The following ANKRD11 variants were observed in gnomAD, a reference collection of about 807,000 sequenced individuals.
ANKRD11 encodes the protein ankyrin repeat domain-containing protein 11.
In ANKRD11, 17 loss-of-function variants were observed where a neutral mutation model predicts 195.7. That is an observed-to-expected ratio of 0.09 (90% CI 0.06 to 0.13). The LOEUF (loss-of-function observed/expected upper bound fraction) is 0.13. Ranked by LOEUF, ANKRD11 falls within the 10% of genes least tolerant of loss-of-function variation. The probability of loss-of-function intolerance (pLI) is 1.00; values close to 1 mark genes in which losing one functional copy is unlikely to be tolerated. For missense variants in ANKRD11, 3,735 were observed against 3,566.1 expected, an observed-to-expected ratio of 1.05 and a Z score of -1.21; for synonymous variants, 1,953 against 1,528.1, an observed-to-expected ratio of 1.28 and a Z score of -6.49.
chr16:89,298,318 G>A (rs938364959), intron 4 of ANKRD11: 2 of 152,436 alleles, frequency 1.3e-5, no homozygotes, highest in Non-Finnish European at 1.5e-5. Flanking sequence ...CCAAACCTGC[G>A]CTGAGGCCTG....
chr16:89,461,449 CCTT>C (rs2056665674), intron 1 of ANKRD11, among the ~76,000 whole-genome samples: 1 of 152,150 alleles, frequency 6.6e-6, no homozygotes, highest in Non-Finnish European at 1.5e-5. Flanking sequence ...CTCAGGGAAT[CCTT>C]CCCCTCAGCC....
chr16:89,319,559 T>C (rs2037177804), intron 2 of ANKRD11, among the ~76,000 whole-genome samples: 1 of 152,210 alleles, frequency 6.6e-6, no homozygotes, highest in Admixed American at 6.5e-5. Context: ...CGTGTCCGCC[T>C]GGCCTTGGCT....
At chr16:89,475,424 A>G (rs1163102671) in intron 1 of ANKRD11, among the ~76,000 whole-genome samples, 1 of 152,226 alleles carries the variant, frequency 6.6e-6, no homozygotes, top group East Asian at 1.9e-4. Context: ...CTGTTTCTAT[A>G]GCAACCAGAA....
chr16:89,432,046 A>G (rs1033584175), intron 1 of ANKRD11, among the ~76,000 whole-genome samples: 4 of 152,118 alleles, frequency 2.6e-5, no homozygotes, highest in Non-Finnish European at 1.5e-5. Flanking sequence ...AGAGTGTCTC[A>G]GTATTTCTTT....
At chr16:89,463,101 C>A (rs928921633) in intron 1 of ANKRD11, among the ~76,000 whole-genome samples, 1 of 151,208 alleles carries the variant, frequency 6.6e-6, no homozygotes, top group Non-Finnish European at 1.5e-5. Flanking sequence ...AGGTGAGGGG[C>A]GCCTCTGCCC....
rs1299346667 is a variant in ANKRD11 at position 89,274,877 on chromosome 16, C to T, written c.7650G>A (p.Val2550=). ...GCAGCATCGTGCAGGCGCTGAATGGCACTGCCTGGTTGGCGATGGTCCTGG... is the reference window on the plus strand; with the variant it reads ...GCAGCATCGTGCAGGCGCTGAATGGTACTGCCTGGTTGGCGATGGTCCTGG... ...RAARTIANQA[V]PFSACTMLLD... is the part of the protein sequence containing the mutation. Residue 2550 remains valine, a synonymous_variant, in exon 11 of 13, where the codon GTG becomes GTA. Transcript: ENST00000301030. The T allele has an allele frequency of 4.3e-6, 7 of 1,613,346 alleles. No homozygotes were observed. The highest frequency in any genetic ancestry group is 1.3e-5 in the African/African-American group (1 of 74,928).
rs1406954998 is a variant in ANKRD11, at chr16:89,416,354, C to T, written c.-60+1930G>A. Among the ~76,000 whole-genome samples the T allele has an allele frequency of 2.6e-5, 4 of 152,022 alleles. No individual in the cohort carries two copies. In the East Asian group the frequency reaches 7.8e-4, roughly 29 times the overall value. ...TTGCTCTGTCGCCCAGGCTCAAGTG[C>T]GGTGTTGTGATCTTGGCTCACTGAA... On this transcript the variant is annotated intron_variant, in intron 2 of 12. Coordinates refer to ENST00000301030, the MANE Select transcript of ANKRD11 (RefSeq NM_013275.6).
intron 3 of ANKRD11, among the ~76,000 whole-genome samples, chr16:89,310,963 T>C (rs774156342): frequency 6.6e-6 from 1 of 152,248 alleles, no homozygotes; most frequent in Non-Finnish European, 1.5e-5. Context: ...TGTTTCTTTG[T>C]CTGTTCTCAA....
intron 1 of ANKRD11, among the ~76,000 whole-genome samples, chr16:89,461,227 A>G (rs1597480222): frequency 7.3e-6 from 1 of 137,246 alleles, no homozygotes; most frequent in African/African-American, 2.8e-5. Context: ...GGTGACATTC[A>G]TAAGAGAAAG....
chr16:89,274,814 C>T lies in ANKRD11; in HGVS notation c.7713G>A (p.Gln2571=), dbSNP rs765196702. 6.2e-7 allele frequency: 1 copy of T among 1,610,260 alleles called. No homozygotes were observed. The highest frequency in any genetic ancestry group is 8.5e-7 in the Non-Finnish European group (1 of 1,179,838). ...SEVYNMPLES[Q]GDENKSVRDR... ...GGCCTGGCATGCAGACGGGCCCTAC[C>T]TGGCTCTCCAGGGGCATGTTGTAGA... The change falls in exon 11 of 13, where the codon CAG becomes CAA. Residue 2571 remains glutamine, a splice_region_variant and synonymous_variant. Coordinates refer to ENST00000301030, the MANE Select transcript of ANKRD11 (RefSeq NM_013275.6).
rs938858138 is a variant in ANKRD11 at position 89,283,809 on chromosome 16, G to A, written c.2733C>T (p.Asp911=). The A allele has an allele frequency of 6.2e-7, 1 of 1,614,062 alleles. No homozygotes were observed. Among genetic ancestry groups the A allele is most frequent in the Non-Finnish European group, 8.5e-7 (1 of 1,180,024 alleles). ...REPFFRKKDR[D]YLDKNSEKRK... is the part of the protein sequence containing the mutation. ...TCTTCTCAGAGTTTTTATCCAAATA[G>A]TCCCTGTCCTTCTTTCGGAAGAAGG... The change falls in exon 9 of 13, where the codon GAC becomes GAT. Residue 911 remains aspartate (D), a synonymous_variant. Transcript: ENST00000301030. The surrounding 1 kb of genome is among the most constrained non-coding windows in gnomAD (Gnocchi z 4.3).
At chr16:89,311,929 A>G (rs925780899) in intron 3 of ANKRD11, among the ~76,000 whole-genome samples, 3 of 151,968 alleles carry the variant, frequency 2.0e-5, no homozygotes, top group African/African-American at 7.3e-5. Context: ...ACAGATTCTC[A>G]CTCTGTCACC....
chr16:89,469,148 T>G (rs1248031977), intron 1 of ANKRD11, among the ~76,000 whole-genome samples: 1 of 151,612 alleles, frequency 6.6e-6, no homozygotes, highest in Non-Finnish European at 1.5e-5. Context: ...GCACTGCACT[T>G]CAGCTTGGGC....
At chr16:89,273,889 G>A (rs894737585) in intron 11 of ANKRD11, among the ~76,000 whole-genome samples, 2 of 152,094 alleles carry the variant, frequency 1.3e-5, no homozygotes, top group Admixed American at 1.3e-4. Flanking sequence ...GCGTCAAGGG[G>A]GGCACATATT....
chr16:89,381,354 A>ACGGG (rs1555560066), intron 2 of ANKRD11, among the ~76,000 whole-genome samples: 1 of 125,346 alleles, frequency 8.0e-6, no homozygotes, highest in Non-Finnish European at 1.6e-5. Flanking sequence ...AAAAAAAAAA[A>ACGGG]GGGGTGAGAA....
intron 4 of ANKRD11, among the ~76,000 whole-genome samples, chr16:89,297,245 G>A (rs2035498247): frequency 6.6e-6 from 1 of 152,172 alleles, no homozygotes; most frequent in Admixed American, 6.5e-5. Flanking sequence ...GTCAACATAG[G>A]AAAATGTGCA....
intron 1 of ANKRD11, among the ~76,000 whole-genome samples, chr16:89,452,553 G>A (rs2044126022): frequency 6.6e-6 from 1 of 151,866 alleles, no homozygotes; most frequent in Non-Finnish European, 1.5e-5. Context: ...GAGGCGGGTG[G>A]ATCACCTGAG....
At chr16:89,339,125 T>C (rs1366653304) in intron 2 of ANKRD11, among the ~76,000 whole-genome samples, 2 of 152,190 alleles carry the variant, frequency 1.3e-5, no homozygotes, top group Non-Finnish European at 2.9e-5. Flanking sequence ...CCTGTAATTA[T>C]AGGTTCTCAA....
intron 2 of ANKRD11, among the ~76,000 whole-genome samples, chr16:89,402,288 G>A (rs1295876734): frequency 6.6e-6 from 1 of 152,112 alleles, no homozygotes; most frequent in Non-Finnish European, 1.5e-5. Context: ...TAGAAAGAAC[G>A]AGGCTTGTCT....
Sources: allele counts gnomAD v4.1 joint callset (sites outside exome capture counted in the v4.1 genomes callset), GRCh38; gene constraint gnomAD v4.1.1; non-coding constraint Gnocchi (gnomAD v3.1); transcripts MANE v1.5; gene names NCBI Gene and HGNC (gene_info 2026-07-23, HGNC 2026-07-21).